The following NR1I2 variants were observed in gnomAD, a reference collection of about 807,000 sequenced individuals.
NR1I2 encodes orphan nuclear receptor PAR1.
NR1I2 carries 42 observed loss-of-function variants against 43.3 expected under a neutral mutation model. The observed-to-expected ratio is 0.97, with a 90% CI of 0.76 to 1.26. The LOEUF (loss-of-function observed/expected upper bound fraction) is 1.26, where lower values mean the gene tolerates loss of function less well. Ranked by LOEUF, NR1I2 falls within the 50% of genes most tolerant of loss-of-function variation. NR1I2 has a pLI of 0.00. For synonymous variants in NR1I2, 229 were observed against 215.0 expected (o/e 1.06, Z -0.57); for missense variants, 559 against 566.7 (o/e 0.99, Z 0.14).
Position 119,789,388 on chromosome 3 carries a change from A to C in NR1I2, c.-23+7088A>C, listed in dbSNP as rs1038748089. On this transcript the variant is annotated intron_variant, in intron 1 of 8. Coordinates refer to ENST00000393716, the MANE Select transcript of NR1I2 (RefSeq NM_003889.4). Reference sequence around the variant, plus strand: ...ATGTGGCTGGGGAGGCCTCACAAACATGGTGGAAGGCAAACGGCATGTCTT... The same window carrying C: ...ATGTGGCTGGGGAGGCCTCACAAACCTGGTGGAAGGCAAACGGCATGTCTT... 2.6e-5 allele frequency among the ~76,000 whole-genome samples: 4 copies of C among 152,314 alleles called. No individual in the cohort carries two copies. In the East Asian group the frequency reaches 7.7e-4, roughly 29 times the overall value.
intron 1 of NR1I2, among the ~76,000 whole-genome samples, chr3:119,790,733 TA>T (rs1166806575): frequency 1.3e-5 from 2 of 152,234 alleles, no homozygotes; most frequent in Admixed American, 1.3e-4. Flanking sequence ...ATGGTCAAAA[TA>T]AATAATTTAT....
intron 8 of NR1I2, among the ~76,000 whole-genome samples, chr3:119,816,529 C>A (rs1174612070): frequency 6.6e-6 from 1 of 152,174 alleles, no homozygotes; most frequent in African/African-American, 2.4e-5. Flanking sequence ...TACAAAGATG[C>A]AACTCCCGCA....
In NR1I2 at chr3:119,792,529, C is replaced by T. The variant is rs543276473; in HGVS notation, c.-23+10229C>T. 1.3e-4 allele frequency: 133 copies of T among 994,340 alleles called. No individual in the cohort carries two copies. The African/African-American group carries it at 1.9e-3, about 14-fold the overall frequency. The allele number at this position is 994,340 out of a possible 1,614,324, so 61.6% of individuals were successfully genotyped here. A position where few individuals can be genotyped will look rare whatever the true frequency, so the allele number is the denominator to read the frequency against. ...TCACCAATCTGCCGGCAGGGCAGTC[C>T]GTGCTCCTCCAGCTGCCCCAGTGAG... is the stretch of plus-strand genomic sequence containing the variant. On this transcript the variant is annotated intron_variant, in intron 1 of 8. Transcript: ENST00000393716.
chr3:119,815,599 C>T, intron 7 of NR1I2, 127 bp from the exon 8 acceptor site: 1 of 1,021,120 alleles, frequency 9.8e-7, no homozygotes, highest in South Asian at 1.3e-5. Flanking sequence ...CAGCCCTGGT[C>T]TTCCTTCACT....
At chr3:119,801,618 C>T (rs2055082589) in intron 1 of NR1I2, among the ~76,000 whole-genome samples, 1 of 152,240 alleles carries the variant, frequency 6.6e-6, no homozygotes, top group Non-Finnish European at 1.5e-5. Flanking sequence ...CCAGGGGTTC[C>T]ACTTCCATTA....
chr3:119,806,027 C>T (rs1399222542), intron 1 of NR1I2, among the ~76,000 whole-genome samples: 2 of 152,192 alleles, frequency 1.3e-5, no homozygotes, highest in African/African-American at 2.4e-5. Flanking sequence ...TGTCAGATGT[C>T]ACCTGTCATG....
chr3:119,817,308 C>G lies in NR1I2; in HGVS notation c.*96C>G. On this transcript the variant is annotated 3_prime_UTR_variant, in exon 9 of 9. Coordinates refer to ENST00000393716, the MANE Select transcript of NR1I2 (RefSeq NM_003889.4). The stretch of plus-strand genomic sequence containing the variant: ...CAAGACAGATGGACACTGCCAAGAG[C>G]CGACAATGCCCTGCTGGCCTGTCTC... 6.3e-7 allele frequency: 1 copy of G among 1,597,374 alleles called. No homozygotes were observed. The highest frequency in any genetic ancestry group is 8.5e-7 in the Non-Finnish European group (1 of 1,176,728).
chr3:119,807,340 C>T lies in NR1I2; in HGVS notation c.90C>T (p.Asn30=), dbSNP rs201105889. 7.5e-5 allele frequency: 121 copies of T among 1,614,076 alleles called. No homozygotes were observed. Among genetic ancestry groups the T allele is most frequent in the Admixed American group, 1.5e-4 (9 of 60,002 alleles). ...CTGTTCCTGGAAAGCCCAGTGTCAA[C>T]GCAGATGAGGAAGTCGGAGGTCCCC... is the stretch of plus-strand genomic sequence containing the variant. Residue 30 remains asparagine (N), a synonymous_variant, in exon 2 of 9, where the codon AAC becomes AAT. Coordinates refer to ENST00000393716, the MANE Select transcript of NR1I2 (RefSeq NM_003889.4).
At chr3:119,816,108 A>G (rs1000029807) in intron 8 of NR1I2, among the ~76,000 whole-genome samples, 1 of 152,158 alleles carries the variant, frequency 6.6e-6, no homozygotes, top group African/African-American at 2.4e-5. Flanking sequence ...ACCCAGAGAC[A>G]AACTTGGATT....
At chr3:119,807,590 C>T (rs940989339) in intron 2 of NR1I2, 143 bp downstream of exon 2, 2 of 699,036 alleles carry the variant, frequency 2.9e-6, no homozygotes, top group Non-Finnish European at 5.1e-6. Context: ...CTCAAGGGAG[C>T]CATTTATATC....
At chr3:119,806,029 C>T (rs78712215) in intron 1 of NR1I2, among the ~76,000 whole-genome samples, 5,251 of 152,224 alleles carry the variant, frequency 0.034, 299 homozygotes, top group African/African-American at 0.12. Flanking sequence ...TCAGATGTCA[C>T]CTGTCATGAT....
At position 119,811,737 on chromosome 3, in the gene NR1I2, C is replaced by A. The variant is rs757137235; in HGVS notation, c.519+11C>A. 1 of 1,598,920 alleles carries A rather than the reference C, an allele frequency of 6.3e-7. No individual in the cohort carries two copies. Among genetic ancestry groups the A allele is most frequent in the East Asian group, 2.3e-5 (1 of 44,216 alleles). ...TTCAAGAATTTCCGGGTAGGAGGAA[C>A]TGCACAGTGACCCGAGGTGTCACTG... is the stretch of plus-strand genomic sequence containing the variant. On this transcript the variant is annotated intron_variant, in intron 4 of 8. Transcript: ENST00000393716.
At chr3:119,800,676 A>T (rs1435684446) in intron 1 of NR1I2, among the ~76,000 whole-genome samples, 3 of 152,184 alleles carry the variant, frequency 2.0e-5, no homozygotes, top group African/African-American at 7.2e-5. Flanking sequence ...TTCAGAGCGT[A>T]TAGGACAAGA....
intron 1 of NR1I2, among the ~76,000 whole-genome samples, chr3:119,786,496 C>T (rs1248512202): frequency 6.6e-6 from 1 of 152,200 alleles, no homozygotes; most frequent in Non-Finnish European, 1.5e-5. Context: ...AATAATTTTC[C>T]TGGATCTGTG....
intron 1 of NR1I2, chr3:119,782,754 C>T: frequency 6.2e-7 from 1 of 1,612,696 alleles, no homozygotes; most frequent in Non-Finnish European, 8.5e-7. Context: ...CCAAGGACAG[C>T]AGCATGACAG....
At chr3:119,800,296 A>C (rs2055060796) in intron 1 of NR1I2, among the ~76,000 whole-genome samples, 1 of 152,212 alleles carries the variant, frequency 6.6e-6, no homozygotes, top group Non-Finnish European at 1.5e-5. Flanking sequence ...GAGATCAATT[A>C]ATGATAATAG....
At chr3:119,807,584 A>G in intron 2 of NR1I2, 137 bp downstream of exon 2, 1 of 724,094 alleles carries the variant, frequency 1.4e-6, no homozygotes, top group Non-Finnish European at 2.4e-6. Flanking sequence ...ATTAGTCTCA[A>G]GGGAGCCATT....
chr3:119,783,505 T>C (rs1423809546), intron 1 of NR1I2, among the ~76,000 whole-genome samples: 3 of 152,120 alleles, frequency 2.0e-5, no homozygotes, highest in African/African-American at 7.2e-5. Flanking sequence ...ATATTAACTA[T>C]CTGGCCTTTA....
chr3:119,805,406 T>C (rs1286916451), intron 1 of NR1I2, among the ~76,000 whole-genome samples: 1 of 152,144 alleles, frequency 6.6e-6, no homozygotes, highest in Non-Finnish European at 1.5e-5. Context: ...AAGGAGGATT[T>C]CTGGCCAGAC....
Sources: gnomAD v4.1 joint callset for allele counts (sites outside exome capture counted in the v4.1 genomes callset) on GRCh38, gnomAD v4.1.1 for gene constraint, MANE v1.5 for transcripts, NCBI Gene and HGNC (gene_info 2026-07-23, HGNC 2026-07-21) for gene names.